The following PCCA variants were observed in gnomAD, a reference collection of about 807,000 sequenced individuals.
PCCA encodes propionyl-CoA carboxylase alpha chain, mitochondrial.
PCCA carries 74 observed loss-of-function variants against 101.3 expected under a neutral mutation model. The ratio of observed to expected loss-of-function variants is 0.73; its 90% CI spans 0.61 to 0.89. The LOEUF (loss-of-function observed/expected upper bound fraction) is 0.89, where lower values mean the gene tolerates loss of function less well. Ranked by LOEUF, PCCA falls within the 40% of genes least tolerant of loss-of-function variation. The pLI, the probability that PCCA is intolerant of heterozygous loss-of-function variation, is 0.00. For synonymous variants in PCCA, 294 were observed against 313.6 expected (o/e 0.94, Z 0.66); for missense variants, 891 against 907.0 (o/e 0.98, Z 0.23).
chr13:100,145,050 C>G (rs940057600), intron 4 of PCCA, among the ~76,000 whole-genome samples: 3 of 152,146 alleles, frequency 2.0e-5, no homozygotes, highest in African/African-American at 7.2e-5. Context: ...AGAGCCATAT[C>G]TTGGAATTCT....
chr13:100,444,574 C>T (rs978360013), intron 20 of PCCA, among the ~76,000 whole-genome samples: 1 of 150,970 alleles, frequency 6.6e-6, no homozygotes, highest in African/African-American at 2.4e-5. Context: ...TCCCGAGTAG[C>T]TGGGACTACA....
At chr13:100,214,052 T>C (rs183093458) in intron 7 of PCCA, among the ~76,000 whole-genome samples, 105 of 152,308 alleles carry the variant, frequency 6.9e-4, no homozygotes, top group African/African-American at 2.4e-3. Context: ...TATATGGATT[T>C]ATTTCTGGGT....
chr13:100,448,899 G>A (rs972933561), intron 20 of PCCA, among the ~76,000 whole-genome samples: 1 of 152,178 alleles, frequency 6.6e-6, no homozygotes, highest in Non-Finnish European at 1.5e-5. Flanking sequence ...TTTAGACCAT[G>A]TTTATACCCT....
At chr13:100,490,320 T>C (rs2084808826) in intron 21 of PCCA, 1 of 152,222 alleles carries the variant, frequency 6.6e-6, no homozygotes, top group African/African-American at 2.4e-5. Flanking sequence ...TTTCCCTCTG[T>C]AAAATTTTCC....
intron 16 of PCCA, among the ~76,000 whole-genome samples, chr13:100,314,212 A>G (rs7338491): frequency 0.93 from 141,405 of 152,142 alleles, 66,593 homozygotes; most frequent in East Asian, 1. Flanking sequence ...TACTATTATC[A>G]GTTTATTATA....
At chr13:100,371,431 G>C (rs2075565149) in intron 19 of PCCA, among the ~76,000 whole-genome samples, 1 of 152,088 alleles carries the variant, frequency 6.6e-6, no homozygotes, top group Non-Finnish European at 1.5e-5. Flanking sequence ...TATATGGAAG[G>C]GTATCTTGTG....
intron 8 of PCCA, among the ~76,000 whole-genome samples, chr13:100,244,162 GC>G (rs1185663563): frequency 5.3e-5 from 8 of 152,046 alleles, no homozygotes; most frequent in Non-Finnish European, 7.4e-5. Context: ...ATTGAATAAC[GC>G]CTAAGGAAAA....
chr13:100,521,045 T>C (rs2087244441), intron 22 of PCCA, among the ~76,000 whole-genome samples: 1 of 152,178 alleles, frequency 6.6e-6, no homozygotes, highest in Admixed American at 6.5e-5. Context: ...AGGTAGAGGG[T>C]CCAGGCTAAT....
At chr13:100,131,603 G>A (rs962067294) in intron 4 of PCCA, among the ~76,000 whole-genome samples, 1 of 152,064 alleles carries the variant, frequency 6.6e-6, no homozygotes, top group Admixed American at 6.5e-5. Context: ...CGATGGTTTC[G>A]CATTATCAAT....
At position 100,111,991 on chromosome 13, in the gene PCCA, A is replaced by T. The variant is rs747968405; in HGVS notation, c.232-2A>T. On this transcript the variant is annotated splice_acceptor_variant, in intron 3 of 23. Transcript: ENST00000376285. LOFTEE classifies it high-confidence loss of function. The stretch of plus-strand genomic sequence containing the variant: ...AATAGACATTAATATATTTTAAAAT[A>T]GGTTATTAGAACTTGCAAGAAGATG... The T allele has an allele frequency of 6.2e-7, 1 of 1,601,076 alleles. No homozygotes were observed.
intron 21 of PCCA, among the ~76,000 whole-genome samples, chr13:100,506,819 A>T (rs1359352250): frequency 6.6e-6 from 1 of 152,128 alleles, no homozygotes; most frequent in East Asian, 1.9e-4. Flanking sequence ...GAAATGGTAC[A>T]CTTCCTCACC....
chr13:100,463,174 G>C (rs775689511), intron 21 of PCCA, among the ~76,000 whole-genome samples: 1 of 152,136 alleles, frequency 6.6e-6, no homozygotes, highest in Non-Finnish European at 1.5e-5. Context: ...GATGGGCAGG[G>C]CAACAAAGAT....
chr13:100,498,791 T>C (rs1456980457), intron 21 of PCCA, among the ~76,000 whole-genome samples: 1 of 152,170 alleles, frequency 6.6e-6, no homozygotes, highest in Non-Finnish European at 1.5e-5. Flanking sequence ...ACCAACCATG[T>C]TCTTTATGCT....
intron 16 of PCCA, among the ~76,000 whole-genome samples, chr13:100,328,373 TAA>T (rs1333485267): frequency 9.4e-4 from 13 of 13,824 alleles, no homozygotes; most frequent in Non-Finnish European, 2.2e-3. Context: ...AAAAAATATA[TAA>T]TAATAATAAT....
intron 21 of PCCA, among the ~76,000 whole-genome samples, chr13:100,503,058 G>A (rs2085797144): frequency 6.6e-6 from 1 of 152,196 alleles, no homozygotes; most frequent in Non-Finnish European, 1.5e-5. Flanking sequence ...AGGGCCAGTG[G>A]AGGATACTCT....
chr13:100,378,367 A>G (rs2076044127), intron 19 of PCCA, among the ~76,000 whole-genome samples: 1 of 152,154 alleles, frequency 6.6e-6, no homozygotes, highest in Non-Finnish European at 1.5e-5. Context: ...AAAACTCTGT[A>G]TTTGGCTTTA....
chr13:100,161,487 G>T (rs1226982408), intron 6 of PCCA: 5 of 152,176 alleles, frequency 3.3e-5, no homozygotes, highest in African/African-American at 1.2e-4. Flanking sequence ...CAGTTACAAG[G>T]CTGCAGTCCA....
chr13:100,183,134 G>C (rs922995616), intron 6 of PCCA, among the ~76,000 whole-genome samples: 3 of 152,258 alleles, frequency 2.0e-5, no homozygotes, highest in African/African-American at 4.8e-5. Flanking sequence ...GTGTGTGTGC[G>C]TGTGGGTGCA....
At chr13:100,351,821 C>T (rs1470983434) in intron 18 of PCCA, among the ~76,000 whole-genome samples, 1 of 152,098 alleles carries the variant, frequency 6.6e-6, no homozygotes, top group Non-Finnish European at 1.5e-5. Context: ...TACAGAACTA[C>T]CTAGTCATCT....
Sources: allele counts gnomAD v4.1 joint callset (sites outside exome capture counted in the v4.1 genomes callset), GRCh38; gene constraint gnomAD v4.1.1; transcripts MANE v1.5; gene names NCBI Gene and HGNC (gene_info 2026-07-23, HGNC 2026-07-21).